STX2: variants seen among roughly 807,000 people sequenced by gnomAD.
STX2 encodes the protein syntaxin-2.
STX2 carries 27 observed loss-of-function variants against 40.6 expected under a neutral mutation model. The ratio of observed to expected loss-of-function variants is 0.66; its 90% CI spans 0.49 to 0.92. The LOEUF is 0.92. Ranked by LOEUF, STX2 falls within the 40% of genes least tolerant of loss-of-function variation. The pLI, the probability that STX2 is intolerant of heterozygous loss-of-function variation, is 0.00. For synonymous variants in STX2, 123 were observed against 119.1 expected, an observed-to-expected ratio of 1.03 and a Z score of -0.22; for missense variants, 328 against 366.1, an observed-to-expected ratio of 0.90 and a Z score of 0.85.
chr12:130,824,774 T>C (rs543876376), intron 2 of STX2, among the ~76,000 whole-genome samples: 1 of 152,338 alleles, frequency 6.6e-6, no homozygotes. Context: ...AATGAGTTTA[T>C]ATTACCAAAC....
intron 3 of STX2, among the ~76,000 whole-genome samples, chr12:130,813,706 A>G (rs998445563): frequency 6.6e-6 from 1 of 152,180 alleles, no homozygotes; most frequent in Non-Finnish European, 1.5e-5. Context: ...TTTCATGCCT[A>G]GCTGCCCCAG....
chr12:130,795,750 T>C (rs892150215), intron 10 of STX2, among the ~76,000 whole-genome samples: 3 of 151,970 alleles, frequency 2.0e-5, no homozygotes, highest in African/African-American at 7.3e-5. Context: ...AAAAACACTT[T>C]TAAAAACGGG....
intron 4 of STX2, among the ~76,000 whole-genome samples, chr12:130,809,147 G>A (rs2136276454): frequency 6.6e-6 from 1 of 152,312 alleles, no homozygotes; most frequent in African/African-American, 2.4e-5. Flanking sequence ...CATTACAGGT[G>A]CGAGCCACTG....
At chr12:130,818,185 A>AATATATATATATATATATATAT (rs1168152790) in intron 3 of STX2, among the ~76,000 whole-genome samples, 24 of 70,516 alleles carry the variant, frequency 3.4e-4, no homozygotes, top group African/African-American at 7.1e-4. Context: ...AAAAAAAAAA[A>AATATATATATATATATATATAT]ATATATATAT....
At chr12:130,825,255 TG>T (rs1416685528) in intron 2 of STX2, among the ~76,000 whole-genome samples, 3 of 152,192 alleles carry the variant, frequency 2.0e-5, no homozygotes, top group Admixed American at 2.0e-4. Context: ...CTGGCTGGTC[TG>T]GAACTCCTGA....
intron 4 of STX2, among the ~76,000 whole-genome samples, chr12:130,809,130 G>A (rs937178060): frequency 6.6e-6 from 1 of 152,342 alleles, no homozygotes; most frequent in East Asian, 1.9e-4. Flanking sequence ...GCATCCCAAA[G>A]TGCTGGCATT....
At chr12:130,801,731 G>T (rs1438734655) in intron 6 of STX2, among the ~76,000 whole-genome samples, 1 of 152,146 alleles carries the variant, frequency 6.6e-6, no homozygotes, top group Non-Finnish European at 1.5e-5. Flanking sequence ...TTTAATATTA[G>T]TGAGAAACAA....
Position 130,790,856 on chromosome 12 carries a change from G to A in STX2, c.*1167C>T, listed in dbSNP as rs1161868605. 2.6e-5 allele frequency: 4 copies of A among 152,740 alleles called. No homozygotes were observed. Among genetic ancestry groups the A allele is most frequent in the African/African-American group, 7.2e-5 (3 of 41,560 alleles). The allele number at this position is 152,740 out of a possible 1,614,324, so 9.5% of individuals were successfully genotyped here. A position where few individuals can be genotyped will look rare whatever the true frequency, so the allele number is the denominator to read the frequency against. Reference sequence around the variant, plus strand: ...CCTGGGGGAGGGAACAGGCGGAAACGGAGCTGAGGCCGAGGCTTTTCTGGA... The same window carrying A: ...CCTGGGGGAGGGAACAGGCGGAAACAGAGCTGAGGCCGAGGCTTTTCTGGA... On this transcript the variant is annotated 3_prime_UTR_variant, in exon 11 of 11. Transcript: ENST00000392373.
chr12:130,801,819 G>A (rs907949130), intron 6 of STX2, among the ~76,000 whole-genome samples: 3 of 152,170 alleles, frequency 2.0e-5, no homozygotes, highest in Non-Finnish European at 2.9e-5. Context: ...ATGTAAAAGG[G>A]GGTTGAGCTG....
At chr12:130,828,701 C>T (rs1180046666) in intron 1 of STX2, among the ~76,000 whole-genome samples, 1 of 151,200 alleles carries the variant, frequency 6.6e-6, no homozygotes, top group Non-Finnish European at 1.5e-5. Context: ...CCTGTCTCTA[C>T]TAAAAATACA....
chr12:130,792,725 C>T (rs1283015640), intron 10 of STX2, among the ~76,000 whole-genome samples: 5 of 152,148 alleles, frequency 3.3e-5, no homozygotes, highest in Admixed American at 1.3e-4. Flanking sequence ...CTTGGCCTTC[C>T]GAAGTGTTGG....
At chr12:130,818,865 C>T (rs1007664006) in intron 3 of STX2, among the ~76,000 whole-genome samples, 1 of 152,208 alleles carries the variant, frequency 6.6e-6, no homozygotes, top group African/African-American at 2.4e-5. Context: ...CAGGGGGAAT[C>T]CCAGCCTCGT....
At position 130,791,915 on chromosome 12, in the gene STX2, T is replaced by TG. The variant is rs756732605; in HGVS notation, c.*107dup. Reference sequence around the variant, plus strand: ...GATATGGTTGCTAGGACAATGTTGTTGCTAGGATAATTCCAAGGATCACAA... The same window carrying TG: ...GATATGGTTGCTAGGACAATGTTGTTGGCTAGGATAATTCCAAGGATCACAA... On this transcript the variant is annotated 3_prime_UTR_variant, in exon 11 of 11. Coordinates refer to ENST00000392373, the MANE Select transcript of STX2 (RefSeq NM_194356.4). 1.9e-5 allele frequency: 31 copies of TG among 1,612,028 alleles called. No homozygotes were observed. In the East Asian group the frequency reaches 6.7e-4, roughly 35 times the overall value.
chr12:130,805,172 A>G (rs1951383224), intron 6 of STX2, among the ~76,000 whole-genome samples: 1 of 152,184 alleles, frequency 6.6e-6, no homozygotes, highest in Non-Finnish European at 1.5e-5. Context: ...TTTTTCATAG[A>G]AAAGCAGTCT....
chr12:130,831,583 A>T (rs978417923), intron 1 of STX2, among the ~76,000 whole-genome samples: 3 of 152,110 alleles, frequency 2.0e-5, no homozygotes, highest in Non-Finnish European at 1.5e-5. Context: ...GGCTGTAGTG[A>T]GCAGTGATGG....
At chr12:130,824,142 C>A (rs1159897270) in intron 2 of STX2, among the ~76,000 whole-genome samples, 1 of 124,058 alleles carries the variant, frequency 8.1e-6, no homozygotes, top group Non-Finnish European at 1.8e-5. Flanking sequence ...GTAATCCCAG[C>A]ATTTTGGGAG....
intron 9 of STX2, among the ~76,000 whole-genome samples, chr12:130,797,738 G>A (rs1049724804): frequency 7.2e-5 from 11 of 152,140 alleles, no homozygotes; most frequent in African/African-American, 2.4e-4. Flanking sequence ...TTTTTGCCCC[G>A]TAACAAAAAA....
chr12:130,800,482 C>T (rs1306862709), intron 8 of STX2, among the ~76,000 whole-genome samples: 1 of 152,138 alleles, frequency 6.6e-6, no homozygotes, highest in Admixed American at 6.5e-5. Flanking sequence ...CTCAGAAGGG[C>T]CTTTCCACAC....
At chr12:130,801,580 G>C in intron 6 of STX2, 92 bp from the exon 7 acceptor site, 2 of 1,325,056 alleles carry the variant, frequency 1.5e-6, no homozygotes, top group Non-Finnish European at 2.0e-6. Context: ...TACAATCATA[G>C]TTGTTAGCAT....
Sources: allele counts gnomAD v4.1 joint callset (sites outside exome capture counted in the v4.1 genomes callset), GRCh38; gene constraint gnomAD v4.1.1; transcripts MANE v1.5; gene names NCBI Gene and HGNC (gene_info 2026-07-23, HGNC 2026-07-21).